The following RBM10 variants were observed in gnomAD, a reference collection of about 807,000 sequenced individuals.
RBM10 encodes the protein RNA binding motif protein 10, also known as RNA-binding protein 10.
Under a neutral mutation model 84.9 loss-of-function variants are expected in RBM10, and 1 was observed. The observed-to-expected ratio is 0.01, with a 90% confidence interval of 0.00 to 0.06. The LOEUF (loss-of-function observed/expected upper bound fraction) is 0.06. Ranked by LOEUF, RBM10 falls within the 10% of genes least tolerant of loss-of-function variation. The pLI is 1.00. For missense variants in RBM10, 438 were observed against 839.0 expected (o/e 0.52, Z 5.90); for synonymous variants, 326 against 344.5 (o/e 0.95, Z 0.60).
chrX:47,178,761 G>A (rs1321191076), intron 7 of RBM10, among the ~76,000 whole-genome samples: 2 of 112,321 alleles, frequency 1.8e-5, no homozygotes, highest in Non-Finnish European at 3.8e-5. Flanking sequence ...TTCAGGGAGA[G>A]GAACCTAATA....
At chrX:47,180,623 A>C in intron 12 of RBM10, 117 bp downstream of exon 12, 1 of 1,117,018 alleles carries the variant, frequency 9.0e-7, no homozygotes, top group Non-Finnish European at 1.2e-6. Context: ...ACCCTCTCCC[A>C]GTAGCTGGCA....
At chrX:47,145,602 AATGT>A in intron 1 of RBM10, 117 bp downstream of exon 1, 4 of 602,931 alleles carry the variant, frequency 6.6e-6, no homozygotes, top group Non-Finnish European at 9.3e-6. Context: ...GGGTTGGTGC[AATGT>A]CTCAACCCGG....
At chrX:47,176,988 A>C (rs1381646408) in intron 7 of RBM10, among the ~76,000 whole-genome samples, 1 of 111,475 alleles carries the variant, frequency 9.0e-6, no homozygotes, top group Admixed American at 9.6e-5. Context: ...ACTATCCCAG[A>C]TCGGCCTTGA....
intron 2 of RBM10, among the ~76,000 whole-genome samples, chrX:47,156,476 C>T (rs1425165948): frequency 9.0e-6 from 1 of 111,347 alleles, no homozygotes; most frequent in African/African-American, 3.3e-5. Context: ...TCTCTTCCAT[C>T]TTCCCCCAAC....
At position 47,171,101 on chromosome X, in the gene RBM10, G is replaced by A. The variant is rs2147135403; in HGVS notation, c.275G>A (p.Gly92Asp). 8.3e-7 allele frequency: 1 copy of A among 1,210,486 alleles called. No homozygotes were observed. Among genetic ancestry groups the A allele is most frequent in the Non-Finnish European group, 1.1e-6 (1 of 894,988 alleles). ...CGGCGGCACAGGCACAGCCCCACCG[G>A]CCCGCCAGGCTTCCCCCGAGACGGC... The part of the protein sequence containing the change: ...RRRRHRHSPT[G>D]PPGFPRDGDY... The change falls in exon 4 of 24, where the codon GGC becomes GAC. Residue 92 changes from glycine (G) to aspartate (D), a missense_variant. This residue lies in a region of RBM10 where 92 missense variants were observed against 134.3 expected (regional missense o/e 0.69). Transcript: ENST00000377604.
intron 2 of RBM10, among the ~76,000 whole-genome samples, chrX:47,161,408 G>A (rs1933666294): frequency 9.1e-6 from 1 of 109,484 alleles, no homozygotes; most frequent in African/African-American, 3.3e-5. Context: ...GTGTGTTTTT[G>A]TATGCTGTAG....
intron 4 of RBM10, among the ~76,000 whole-genome samples, chrX:47,172,624 C>T (rs1273552947): frequency 4.4e-5 from 5 of 112,813 alleles, no homozygotes; most frequent in African/African-American, 1.3e-4. Context: ...GGGCACATGG[C>T]TGGGATTTGC....
At chrX:47,157,209 T>C (rs951872383) in intron 2 of RBM10, 2 of 273,043 alleles carry the variant, frequency 7.3e-6, no homozygotes, top group Admixed American at 8.6e-5. Flanking sequence ...TTGAGGAAGA[T>C]GGATTCGTGG....
intron 1 of RBM10, among the ~76,000 whole-genome samples, chrX:47,147,116 C>T (rs1556762292): frequency 8.9e-6 from 1 of 111,882 alleles, no homozygotes; most frequent in African/African-American, 3.2e-5. Flanking sequence ...AAGATGCCCC[C>T]TGTCTGCTGA....
At chrX:47,147,606 C>T in intron 2 of RBM10, 108 bp downstream of exon 2, 1 of 998,190 alleles carries the variant, frequency 1.0e-6, no homozygotes, top group Non-Finnish European at 1.4e-6. Flanking sequence ...AACAGCATAG[C>T]AGATGATGGG....
intron 2 of RBM10, among the ~76,000 whole-genome samples, chrX:47,160,631 C>A (rs1276151289): frequency 6.3e-5 from 7 of 110,465 alleles, no homozygotes; most frequent in Non-Finnish European, 1.3e-4. Flanking sequence ...GAAAAGAATG[C>A]TTATATACTG....
At chrX:47,166,512 AG>A (rs1224198285) in intron 2 of RBM10, among the ~76,000 whole-genome samples, 1 of 107,076 alleles carries the variant, frequency 9.3e-6, no homozygotes, top group Non-Finnish European at 1.9e-5. Flanking sequence ...TCTGTCACTC[AG>A]GCTGGAGCGC....
chrX:47,169,851 C>T (rs1397757770), intron 3 of RBM10, among the ~76,000 whole-genome samples: 1 of 112,197 alleles, frequency 8.9e-6, no homozygotes, highest in Non-Finnish European at 1.9e-5. Flanking sequence ...TGGGACCCGG[C>T]GTCTGGGGTT....
Position 47,171,074 on chromosome X carries a change from G to C in RBM10, c.248G>C (p.Arg83Pro). 1 of 1,210,796 alleles carries C rather than the reference G, an allele frequency of 8.3e-7. No homozygotes were observed. Among genetic ancestry groups the C allele is most frequent in the Non-Finnish European group, 1.1e-6 (1 of 895,127 alleles). ...GGCTCCGAGACTCAGCGTAGGCGGC[G>C]GCGGCGGCACAGGCACAGCCCCACC... ...SPGSETQRRR[R>P]RRHRHSPTGP... Residue 83 changes from arginine (R) to proline (P), a missense_variant, in exon 4 of 24, where the codon CGG (arginine) becomes CCG (proline). Around this residue, in one of 8 missense-constraint regions of RBM10, gnomAD observed 92 missense variants for 134.3 expected, o/e 0.69. Coordinates refer to ENST00000377604, the MANE Select transcript of RBM10 (RefSeq NM_005676.5).
chrX:47,146,114 C>T (rs1176170896), intron 1 of RBM10, among the ~76,000 whole-genome samples: 2 of 110,684 alleles, frequency 1.8e-5, no homozygotes, highest in Non-Finnish European at 3.8e-5. Flanking sequence ...GACACTGACG[C>T]TCATCCATGG....
At chrX:47,179,633 G>A in intron 9 of RBM10, 138 bp downstream of exon 9, 1 of 823,728 alleles carries the variant, frequency 1.2e-6, no homozygotes, top group Non-Finnish European at 1.7e-6. Flanking sequence ...GATGTAGGGA[G>A]AACAGGGGGA....
chrX:47,180,738 G>A (rs187299750), intron 12 of RBM10, among the ~76,000 whole-genome samples: 86 of 111,606 alleles, frequency 7.7e-4, no homozygotes, highest in Non-Finnish European at 1.3e-3. Flanking sequence ...CATGTACGAC[G>A]CCATTGTGCC....
In RBM10 at chrX:47,182,271, C is replaced by G. The variant is rs200120271; in HGVS notation, c.1895C>G (p.Pro632Arg). The G allele has an allele frequency of 1.7e-6, 2 of 1,211,116 alleles. No individual in the cohort carries two copies. Among genetic ancestry groups the G allele is most frequent in the Non-Finnish European group, 2.2e-6 (2 of 895,101 alleles). ...SADGHKETGA[P>R]SKEGKEKKEK... Reference sequence around the variant, plus strand: ...GACGGACATAAGGAGACAGGGGCACCCTCGAAGGAGGGCAAAGAGAAGAAG... The same window carrying G: ...GACGGACATAAGGAGACAGGGGCACGCTCGAAGGAGGGCAAAGAGAAGAAG... Residue 632 changes from proline (P) to arginine (R), a missense_variant, in exon 17 of 24, where the codon CCC becomes CGC. Coordinates refer to ENST00000377604, the MANE Select transcript of RBM10 (RefSeq NM_005676.5).
chrX:47,160,769 T>A (rs966605930), intron 2 of RBM10, among the ~76,000 whole-genome samples: 1 of 111,526 alleles, frequency 9.0e-6, no homozygotes, highest in Non-Finnish European at 1.9e-5. Flanking sequence ...CATCCATAAT[T>A]TATTTGGCGT....
Sources: allele counts gnomAD v4.1 joint callset (sites outside exome capture counted in the v4.1 genomes callset), GRCh38; gene constraint gnomAD v4.1.1; regional missense constraint gnomAD v4.1.1; transcripts MANE v1.5; gene names NCBI Gene and HGNC (gene_info 2026-07-23, HGNC 2026-07-21).